PLSCR4: variants seen among roughly 807,000 people sequenced by gnomAD.
PLSCR4 encodes phospholipid scramblase 4.
Under a neutral mutation model 36.3 loss-of-function variants are expected in PLSCR4, and 25 were observed. That is an observed-to-expected ratio of 0.69 (90% CI 0.50 to 0.96). The LOEUF (loss-of-function observed/expected upper bound fraction) is 0.96. Among genes scored for constraint, PLSCR4 ranks in the 40% least tolerant of loss-of-function variants. PLSCR4 has a pLI of 0.00. For missense variants in PLSCR4, 408 were observed against 414.7 expected (o/e 0.98, Z 0.14); for synonymous variants, 122 against 132.9 (o/e 0.92, Z 0.56).
At chr3:146,220,542 C>CT (rs2035084258) in intron 3 of PLSCR4, among the ~76,000 whole-genome samples, 1 of 152,174 alleles carries the variant, frequency 6.6e-6, no homozygotes, top group African/African-American at 2.4e-5. Flanking sequence ...CAAATACTGT[C>CT]TTCTGTGTCC....
chr3:146,220,444 TC>T (rs964079638), intron 3 of PLSCR4, among the ~76,000 whole-genome samples: 2 of 152,186 alleles, frequency 1.3e-5, no homozygotes, highest in African/African-American at 4.8e-5. Flanking sequence ...GATAGTCCTT[TC>T]CCCCTTTTCT....
intron 3 of PLSCR4, among the ~76,000 whole-genome samples, chr3:146,212,947 T>C (rs1279664825): frequency 6.6e-6 from 1 of 152,216 alleles, no homozygotes; most frequent in Non-Finnish European, 1.5e-5. Context: ...TTGTCAAGTG[T>C]GATTTCTGTG....
intron 1 of PLSCR4, among the ~76,000 whole-genome samples, chr3:146,224,534 G>A (rs60225679): frequency 6.4e-4 from 95 of 149,182 alleles, no homozygotes; most frequent in African/African-American, 2.3e-3. Flanking sequence ...TGGTGGGTTC[G>A]TGGTCTCGCT....
At chr3:146,249,580 A>G (rs779958560) in intron 1 of PLSCR4, among the ~76,000 whole-genome samples, 1 of 151,168 alleles carries the variant, frequency 6.6e-6, no homozygotes, top group Non-Finnish European at 1.5e-5. Context: ...TCCACTATAT[A>G]TATGTGTGTA....
At chr3:146,238,416 TG>T (rs2036006353) in intron 1 of PLSCR4, among the ~76,000 whole-genome samples, 1 of 151,940 alleles carries the variant, frequency 6.6e-6, no homozygotes, top group South Asian at 2.1e-4. Context: ...ACTTGAAAAC[TG>T]AATCCACAAT....
intron 4 of PLSCR4, among the ~76,000 whole-genome samples, chr3:146,205,137 T>C (rs1472238805): frequency 6.6e-6 from 1 of 151,938 alleles, no homozygotes; most frequent in Non-Finnish European, 1.5e-5. Context: ...AATTGGGAAG[T>C]TTCTTCTTTA....
intron 7 of PLSCR4, among the ~76,000 whole-genome samples, chr3:146,195,628 A>G (rs554567912): frequency 1.3e-5 from 2 of 152,316 alleles, no homozygotes; most frequent in African/African-American, 4.8e-5. Context: ...AGGGAAACCT[A>G]TGAGCAAAAA....
rs2033743357 is a variant in PLSCR4 at position 146,196,362 on chromosome 3, A to G, written c.786+270T>C. On this transcript the variant is annotated intron_variant, in intron 7 of 8. Coordinates refer to ENST00000354952, the MANE Select transcript of PLSCR4 (RefSeq NM_020353.3). ...AACAATAGAATAGATGAATTAGGTC[A>G]AGCTATTTACTCTCAGAATATTTAA... 5 of 364,366 alleles carry G rather than the reference A, an allele frequency of 1.4e-5. No individual in the cohort carries two copies. In the Middle Eastern group the frequency reaches 2.5e-3, roughly 181 times the overall value. The allele number at this position is 364,366 out of a possible 1,614,324, so 22.6% of individuals were successfully genotyped here.
At chr3:146,221,979 C>A (rs1036323728) in intron 2 of PLSCR4, 86 bp downstream of exon 2, 3 of 647,198 alleles carry the variant, frequency 4.6e-6, no homozygotes, top group South Asian at 2.6e-5. Context: ...AAAAAAAAAT[C>A]GAAATAAAGT....
rs753992152 is a variant in PLSCR4 at position 146,195,296 on chromosome 3, A to AATGT, written c.787-18_787-15dup. The AATGT allele has an allele frequency of 6.2e-7, 1 of 1,607,982 alleles. No homozygotes were observed. Among genetic ancestry groups the AATGT allele is most frequent in the South Asian group, 1.1e-5 (1 of 90,928 alleles). ...AAGGGATTTGACCTGGAATGACAAG[A>AATGT]ATGTGCCTTTATGATGATTGAAACG... On this transcript the variant is annotated splice_polypyrimidine_tract_variant and intron_variant, in intron 7 of 8. Coordinates refer to ENST00000354952, the MANE Select transcript of PLSCR4 (RefSeq NM_020353.3).
intron 7 of PLSCR4, 148 bp downstream of exon 7, chr3:146,196,479 TTAAAA>T (rs750662636): frequency 2.4e-5 from 17 of 711,088 alleles, no homozygotes; most frequent in Admixed American, 5.7e-5. Flanking sequence ...CACAATAACT[TTAAAA>T]TCTTTTGATG....
intron 4 of PLSCR4, 52 bp from the exon 5 acceptor site, chr3:146,201,129 A>G (rs921712815): frequency 9.1e-7 from 1 of 1,097,354 alleles, no homozygotes; most frequent in African/African-American, 1.6e-5. Flanking sequence ...GAACTAAAAT[A>G]CCACTGTAAA....
intron 1 of PLSCR4, among the ~76,000 whole-genome samples, chr3:146,222,977 G>C (rs370953714): frequency 3.3e-5 from 5 of 152,060 alleles, no homozygotes; most frequent in East Asian, 1.9e-4. Context: ...AGTGGAAGAG[G>C]GTTCTGAGTC....
chr3:146,225,469 C>T (rs914439387), intron 1 of PLSCR4, among the ~76,000 whole-genome samples: 1 of 152,078 alleles, frequency 6.6e-6, no homozygotes, highest in Non-Finnish European at 1.5e-5. Flanking sequence ...GGACTGGGTG[C>T]GGTGGAGCAG....
At chr3:146,229,161 A>G (rs556055950) in intron 1 of PLSCR4, among the ~76,000 whole-genome samples, 3 of 152,232 alleles carry the variant, frequency 2.0e-5, no homozygotes, top group African/African-American at 7.2e-5. Context: ...CAATTTCTAA[A>G]CTCTTGGAAT....
intron 3 of PLSCR4, among the ~76,000 whole-genome samples, chr3:146,216,828 C>A (rs1023574560): frequency 2.0e-5 from 3 of 152,104 alleles, no homozygotes; most frequent in Non-Finnish European, 4.4e-5. Context: ...TAAGTTCTAC[C>A]CTTTCACCTC....
intron 7 of PLSCR4, among the ~76,000 whole-genome samples, chr3:146,195,620 G>A (rs1333298157): frequency 6.6e-6 from 1 of 152,098 alleles, no homozygotes; most frequent in Non-Finnish European, 1.5e-5. Flanking sequence ...TCCAAACTAG[G>A]GAAACCTATG....
intron 1 of PLSCR4, among the ~76,000 whole-genome samples, chr3:146,231,840 G>A (rs942202098): frequency 6.6e-6 from 1 of 152,050 alleles, no homozygotes; most frequent in Non-Finnish European, 1.5e-5. Flanking sequence ...CTTTTACTCT[G>A]TAAAAGCTCT....
intron 1 of PLSCR4, among the ~76,000 whole-genome samples, chr3:146,224,325 T>C (rs1020886356): frequency 2.0e-5 from 3 of 152,204 alleles, no homozygotes; most frequent in Non-Finnish European, 4.4e-5. Flanking sequence ...CAGAGATGTA[T>C]CTCAAAATTA....
Sources: allele counts gnomAD v4.1 joint callset (sites outside exome capture counted in the v4.1 genomes callset), GRCh38; gene constraint gnomAD v4.1.1; transcripts MANE v1.5; gene names NCBI Gene and HGNC (gene_info 2026-07-23, HGNC 2026-07-21).